Variants in LRMDA observed in about 807,000 individuals in gnomAD.
LRMDA encodes the protein leucine rich melanocyte differentiation associated, also known as leucine-rich melanocyte differentiation-associated protein.
Under a neutral mutation model 29.8 loss-of-function variants are expected in LRMDA, and 18 were observed. That is an observed-to-expected ratio of 0.60 (90% CI 0.42 to 0.90). The LOEUF (loss-of-function observed/expected upper bound fraction) is 0.90, where lower values mean the gene tolerates loss of function less well. LRMDA is among the 40% of genes least tolerant of loss of function. The pLI, the probability that LRMDA is intolerant of heterozygous loss-of-function variation, is 0.00. For missense variants in LRMDA, 273 were observed against 273.9 expected (o/e 1.00, Z 0.02); for synonymous variants, 125 against 109.4 (o/e 1.14, Z -0.89).
At chr10:75,855,788 G>A (rs1475623470) in intron 2 of LRMDA, among the ~76,000 whole-genome samples, 17 of 152,188 alleles carry the variant, frequency 1.1e-4, no homozygotes, top group Non-Finnish European at 2.1e-4. Context: ...CATATGGCTA[G>A]CCAGTTTTCC....
intron 2 of LRMDA, among the ~76,000 whole-genome samples, chr10:75,619,010 G>A (rs1383459425): frequency 6.6e-6 from 1 of 151,978 alleles, no homozygotes; most frequent in Non-Finnish European, 1.5e-5. Flanking sequence ...TGTTAGCCAG[G>A]TTGGTCTTGA....
In LRMDA at chr10:75,975,852, A is replaced by G. The variant is rs1042745341; in HGVS notation, c.132-60156A>G. On this transcript the variant is annotated intron_variant, in intron 2 of 6. Transcript: ENST00000611255. ...TTTCCTTCACCACCGTTTCCAATTC[A>G]TCACAGAGTCCTGTCAGCTCTAATT... Among the ~76,000 whole-genome samples, 6 of 152,160 alleles carry G rather than the reference A, an allele frequency of 3.9e-5. No homozygotes were observed. The East Asian group carries it at 1.2e-3, about 29-fold the overall frequency.
chr10:75,787,596 C>A (rs760223726), intron 2 of LRMDA, among the ~76,000 whole-genome samples: 2 of 152,202 alleles, frequency 1.3e-5, no homozygotes, highest in African/African-American at 2.4e-5. Context: ...AAGGGCCCAA[C>A]CCCTTACCCC....
chr10:76,328,539 C>G (rs1234264129), intron 6 of LRMDA, among the ~76,000 whole-genome samples: 2 of 152,126 alleles, frequency 1.3e-5, no homozygotes, highest in African/African-American at 4.8e-5. Flanking sequence ...CTCAGGTCCC[C>G]CTGACCTTTG....
intron 5 of LRMDA, among the ~76,000 whole-genome samples, chr10:76,289,858 T>C (rs571342201): frequency 6.6e-6 from 1 of 152,194 alleles, no homozygotes; most frequent in Non-Finnish European, 1.5e-5. Context: ...GTTTGGACAC[T>C]TTTTGGGCAG....
At chr10:75,600,467 G>A (rs1424336734) in intron 2 of LRMDA, among the ~76,000 whole-genome samples, 2 of 152,156 alleles carry the variant, frequency 1.3e-5, no homozygotes, top group Admixed American at 1.3e-4. Context: ...CACTGATCCT[G>A]TAGCTAAATT....
rs147711915 is a variant in LRMDA at position 76,270,411 on chromosome 10, A to G, written c.517-53990A>G. The G allele has an allele frequency of 7.9e-5, 12 of 152,476 alleles. 1 individual carries two copies. The highest frequency in any genetic ancestry group is 2.6e-4 in the African/African-American group (11 of 41,568). The allele number at this position is 152,476 out of a possible 1,614,324, so 9.4% of individuals were successfully genotyped here. A position where few individuals can be genotyped will look rare whatever the true frequency, so the allele number is the denominator to read the frequency against. On this transcript the variant is annotated intron_variant, in intron 5 of 6. Transcript: ENST00000611255. ...GCTGTAAAGACCCAAGTCAGGAATC[A>G]GTGTCTTGTGTTGGAAAGCCAGGAG... is the stretch of plus-strand genomic sequence containing the variant.
intron 5 of LRMDA, among the ~76,000 whole-genome samples, chr10:76,159,336 C>A (rs1331032062): frequency 6.6e-6 from 1 of 152,018 alleles, no homozygotes; most frequent in African/African-American, 2.4e-5. Context: ...AATGAGATAC[C>A]ACTGTGCACC....
At chr10:75,808,427 G>A (rs953171177) in intron 2 of LRMDA, among the ~76,000 whole-genome samples, 4 of 152,340 alleles carry the variant, frequency 2.6e-5, no homozygotes, top group African/African-American at 9.6e-5. Flanking sequence ...AAAAAGGAAG[G>A]TGGTGCCCTG....
chr10:76,306,027 A>C (rs1211052902), intron 5 of LRMDA, among the ~76,000 whole-genome samples: 1 of 152,224 alleles, frequency 6.6e-6, no homozygotes, highest in African/African-American at 2.4e-5. Flanking sequence ...GTATTGTGAA[A>C]ATTAATATTT....
intron 5 of LRMDA, among the ~76,000 whole-genome samples, chr10:76,218,363 G>C (rs1338849562): frequency 6.6e-6 from 1 of 152,226 alleles, no homozygotes; most frequent in Admixed American, 6.5e-5. Flanking sequence ...GCAGTGCCGA[G>C]AGACCCGGAA....
intron 5 of LRMDA, among the ~76,000 whole-genome samples, chr10:76,163,709 G>A (rs1273249445): frequency 2.6e-5 from 4 of 152,152 alleles, no homozygotes; most frequent in Non-Finnish European, 5.9e-5. Context: ...TCACAAAAAT[G>A]TGAACTATGG....
chr10:75,774,275 G>C (rs1345044488), intron 2 of LRMDA, among the ~76,000 whole-genome samples: 1 of 151,802 alleles, frequency 6.6e-6, no homozygotes, highest in Admixed American at 6.6e-5. Context: ...CATCCTTTTT[G>C]TTTCTCTTAA....
At chr10:76,212,236 AACAC>A (rs35344389) in intron 5 of LRMDA, among the ~76,000 whole-genome samples, 3,626 of 142,866 alleles carry the variant, frequency 0.025, 58 homozygotes, top group Middle Eastern at 0.05. Flanking sequence ...TGAAAATTAA[AACAC>A]ACACACACAC....
At chr10:75,501,112 TC>T (rs1845108149) in intron 2 of LRMDA, among the ~76,000 whole-genome samples, 1 of 152,352 alleles carries the variant, frequency 6.6e-6, no homozygotes, top group South Asian at 2.1e-4. Flanking sequence ...AAGTGTGCCT[TC>T]TGGGATACTT....
chr10:76,484,163 T>C (rs1344493605), intron 6 of LRMDA, among the ~76,000 whole-genome samples: 3 of 151,594 alleles, frequency 2.0e-5, no homozygotes, highest in South Asian at 2.1e-4. Flanking sequence ...CCATCCTCCT[T>C]CTTCTTCCTC....
chr10:76,303,850 C>T (rs1378501538), intron 5 of LRMDA, among the ~76,000 whole-genome samples: 1 of 151,962 alleles, frequency 6.6e-6, no homozygotes, highest in East Asian at 1.9e-4. Context: ...TGCCAGGCAG[C>T]GGCTAACACG....
intron 5 of LRMDA, among the ~76,000 whole-genome samples, chr10:76,060,823 G>T (rs970522442): frequency 6.6e-6 from 1 of 152,156 alleles, no homozygotes; most frequent in Non-Finnish European, 1.5e-5. Flanking sequence ...ATGCCCTTTA[G>T]GGTTCCCAAT....
chr10:75,578,484 G>T (rs1439961875), intron 2 of LRMDA, among the ~76,000 whole-genome samples: 1 of 151,976 alleles, frequency 6.6e-6, no homozygotes, highest in Non-Finnish European at 1.5e-5. Context: ...GTCAATATTA[G>T]ATCAATGAGA....
Sources: allele counts gnomAD v4.1 joint callset (sites outside exome capture counted in the v4.1 genomes callset), GRCh38; gene constraint gnomAD v4.1.1; transcripts MANE v1.5; gene names NCBI Gene and HGNC (gene_info 2026-07-23, HGNC 2026-07-21).